Variants in TRMT11 observed in about 807,000 individuals in gnomAD.
The protein encoded by TRMT11 is tRNA (guanine(10)-N(2))-methyltransferase TRMT11.
TRMT11 carries 53 observed loss-of-function variants against 62.8 expected under a neutral mutation model. The ratio of observed to expected loss-of-function variants is 0.84; its 90% CI spans 0.68 to 1.06. TRMT11 has a LOEUF of 1.06. Among genes scored for constraint, TRMT11 ranks in the 50% least tolerant of loss-of-function variants. TRMT11 has a pLI of 0.00. For synonymous variants in TRMT11, 188 were observed against 190.3 expected (o/e 0.99, Z 0.10); for missense variants, 556 against 553.4 (o/e 1.00, Z -0.05).
At chr6:126,174,792 C>T (rs1778366790), upstream of TRMT11, among the ~76,000 whole-genome samples, 1 of 152,150 alleles carries the variant, frequency 6.6e-6, no homozygotes, top group Non-Finnish European at 1.5e-5. Context: ...ACCTTTGCAA[C>T]TTCATGCTAT....
At chr6:126,188,164 C>T (rs1778547863) in intron 1 of TRMT11, among the ~76,000 whole-genome samples, 1 of 151,738 alleles carries the variant, frequency 6.6e-6, no homozygotes, top group Non-Finnish European at 1.5e-5. Context: ...TCATCAACCC[C>T]CCATATCCCA....
intron 17 of TRMT11, among the ~76,000 whole-genome samples, chr6:126,061,175 G>A (rs1009486842): frequency 6.6e-6 from 1 of 152,210 alleles, no homozygotes; most frequent in Non-Finnish European, 1.5e-5. Flanking sequence ...AAGCCCCAGA[G>A]CTTTTTAGGA....
At chr6:126,070,570 T>G (rs184039625) in intron 17 of TRMT11, among the ~76,000 whole-genome samples, 1 of 152,282 alleles carries the variant, frequency 6.6e-6, no homozygotes, top group East Asian at 1.9e-4. Context: ...TTTGAGTGGT[T>G]TTCTCTCCTT....
intron 21 of TRMT11, among the ~76,000 whole-genome samples, chr6:126,137,797 T>A (rs1479121933): frequency 6.6e-6 from 1 of 151,782 alleles, no homozygotes; most frequent in African/African-American, 2.4e-5. Context: ...ATAAAAAAGT[T>A]AATGAAATCC....
At chr6:126,198,089 C>G (rs1055571096) in intron 1 of TRMT11, among the ~76,000 whole-genome samples, 24 of 152,296 alleles carry the variant, frequency 1.6e-4, no homozygotes, top group African/African-American at 5.8e-4. Flanking sequence ...ACATTTTAGA[C>G]ATAGCTTACA....
In TRMT11 at chr6:126,067,801, A is replaced by G. The variant is rs556539428; in HGVS notation, c.*1437+14611A>G. On this transcript the variant is annotated intron_variant and NMD_transcript_variant, in intron 17 of 22. Transcript: ENST00000648977. ...AGTGGTTGTGCCAATTTACACTCCC[A>G]TCAGGAGTGGTTAAGAGTTTTAATT... is the stretch of plus-strand genomic sequence containing the variant. Among the ~76,000 whole-genome samples, 13 of 152,318 alleles carry G rather than the reference A, an allele frequency of 8.5e-5. No individual in the cohort carries two copies. The East Asian group carries it at 1.2e-3, about 14-fold the overall frequency.
intron 17 of TRMT11, among the ~76,000 whole-genome samples, chr6:126,094,781 TC>T (rs1267774031): frequency 1.3e-5 from 2 of 152,128 alleles, no homozygotes; most frequent in African/African-American, 4.8e-5. Context: ...TTAACTATGG[TC>T]TATTTTCTAC....
chr6:126,047,601 G>C (rs960155028), intron 16 of TRMT11, among the ~76,000 whole-genome samples: 1 of 152,120 alleles, frequency 6.6e-6, no homozygotes, highest in Non-Finnish European at 1.5e-5. Context: ...AGGTGTAAAA[G>C]GCTGTCACCC....
chr6:126,013,162 T>C (rs1794490482), intron 11 of TRMT11, 61 bp downstream of exon 11: 3 of 1,461,670 alleles, frequency 2.1e-6, no homozygotes, highest in Admixed American at 2.0e-5. Flanking sequence ...GTATCTAGTA[T>C]AATTTTCTCT....
intron 3 of TRMT11, 109 bp downstream of exon 3, chr6:125,996,149 T>G (rs764226318): frequency 7.4e-6 from 5 of 672,798 alleles, no homozygotes; most frequent in Non-Finnish European, 9.9e-6. Flanking sequence ...TAGCTTGCAG[T>G]TACATACAAC....
At chr6:126,060,358 A>G (rs1173833883) in intron 17 of TRMT11, among the ~76,000 whole-genome samples, 1 of 152,168 alleles carries the variant, frequency 6.6e-6, no homozygotes, top group African/African-American at 2.4e-5. Context: ...AGAATCTGAC[A>G]TCCGCTGTTT....
At chr6:126,235,995 T>C in the TRMT11 span, among the ~76,000 whole-genome samples, 1 of 152,268 alleles carries the variant, frequency 6.6e-6, no homozygotes, top group Non-Finnish European at 1.5e-5. Flanking sequence ...TTTGCACATG[T>C]CACCAAGCCT....
At chr6:126,189,484 T>A (rs1161228873) in intron 1 of TRMT11, among the ~76,000 whole-genome samples, 1 of 152,186 alleles carries the variant, frequency 6.6e-6, no homozygotes, top group African/African-American at 2.4e-5. Context: ...ATTAAATCCA[T>A]GAACATTCAA....
intron 21 of TRMT11, among the ~76,000 whole-genome samples, chr6:126,169,565 T>A (rs533757455): frequency 6.6e-6 from 1 of 152,282 alleles, no homozygotes; most frequent in African/African-American, 2.4e-5. Context: ...AAAGCTGGAG[T>A]TATGGCTTCT....
At chr6:126,230,916 T>C in the TRMT11 span, among the ~76,000 whole-genome samples, 1 of 152,154 alleles carries the variant, frequency 6.6e-6, no homozygotes, top group Non-Finnish European at 1.5e-5. Flanking sequence ...TACGTCCTCA[T>C]TGTGAGATTC....
At chr6:126,217,478 A>G in the TRMT11 span, among the ~76,000 whole-genome samples, 1 of 152,212 alleles carries the variant, frequency 6.6e-6, no homozygotes, top group Non-Finnish European at 1.5e-5. Flanking sequence ...TAGGAACACT[A>G]TGGCTCTTGC....
intron 17 of TRMT11, among the ~76,000 whole-genome samples, chr6:126,069,581 A>C (rs1352476482): frequency 1.3e-5 from 2 of 152,208 alleles, no homozygotes; most frequent in African/African-American, 4.8e-5. Context: ...CGAGCCATGC[A>C]CTTGGAAACA....
chr6:126,178,014 C>T (rs1003333934), intron 1 of TRMT11, among the ~76,000 whole-genome samples: 1 of 152,130 alleles, frequency 6.6e-6, no homozygotes, highest in African/African-American at 2.4e-5. Flanking sequence ...TGGGGATTCT[C>T]TTTAACCCTT....
chr6:126,128,657 G>A (rs890774714), intron 21 of TRMT11, among the ~76,000 whole-genome samples: 2 of 152,012 alleles, frequency 1.3e-5, no homozygotes, highest in African/African-American at 2.4e-5. Context: ...CCTTTCCTGC[G>A]TGGGGTGATT....
Sources: gnomAD v4.1 joint callset for allele counts (sites outside exome capture counted in the v4.1 genomes callset) on GRCh38, gnomAD v4.1.1 for gene constraint, MANE v1.5 for transcripts, NCBI Gene and HGNC (gene_info 2026-07-23, HGNC 2026-07-21) for gene names.